The following MARCHF1 variants were observed in gnomAD, a reference collection of about 807,000 sequenced individuals.
MARCHF1 encodes the protein membrane associated ring-CH-type finger 1.
In MARCHF1, 40 loss-of-function variants were observed where a neutral mutation model predicts 54.2. The ratio of observed to expected loss-of-function variants is 0.74; its 90% CI spans 0.57 to 0.96. The LOEUF (loss-of-function observed/expected upper bound fraction) is 0.96, where lower values mean the gene tolerates loss of function less well. Ranked by LOEUF, MARCHF1 falls within the 40% of genes least tolerant of loss-of-function variation. The pLI is 0.00. For synonymous variants in MARCHF1, 236 were observed against 236.3 expected (o/e 1.00, Z 0.01); for missense variants, 586 against 656.5 (o/e 0.89, Z 1.17).
intron 1 of MARCHF1, among the ~76,000 whole-genome samples, chr4:164,315,101 T>C (rs1266856172): frequency 1.3e-5 from 2 of 152,024 alleles, no homozygotes; most frequent in African/African-American, 4.8e-5. Flanking sequence ...CCAAGCTACA[T>C]TTTATGCATG....
intron 8 of MARCHF1, among the ~76,000 whole-genome samples, chr4:163,564,201 A>C (rs1009130974): frequency 8.5e-5 from 13 of 152,188 alleles, no homozygotes; most frequent in African/African-American, 3.1e-4. Context: ...GAGTGCTAGT[A>C]ATTTTTGGAG....
chr4:163,967,955 A>C (rs1752476507), intron 3 of MARCHF1, among the ~76,000 whole-genome samples: 1 of 152,178 alleles, frequency 6.6e-6, no homozygotes, highest in Non-Finnish European at 1.5e-5. Flanking sequence ...GCTTACTCAG[A>C]ATTCACTGAT....
At chr4:163,856,776 C>T (rs58386345) in intron 3 of MARCHF1, among the ~76,000 whole-genome samples, 2,493 of 152,094 alleles carry the variant, frequency 0.016, 82 homozygotes, top group African/African-American at 0.057. Flanking sequence ...TTTGGGAGGC[C>T]GAGGTGGGAG....
intron 3 of MARCHF1, among the ~76,000 whole-genome samples, chr4:163,860,592 C>T (rs754471950): frequency 5.3e-5 from 8 of 152,068 alleles, no homozygotes; most frequent in African/African-American, 9.7e-5. Flanking sequence ...AGGCCACAGC[C>T]GAGAAATACA....
At chr4:164,372,557 C>A (rs1025833124) in intron 1 of MARCHF1, among the ~76,000 whole-genome samples, 1 of 151,318 alleles carries the variant, frequency 6.6e-6, no homozygotes, top group African/African-American at 2.4e-5. Flanking sequence ...CATATTTTAC[C>A]TCAGTTTTAC....
intron 2 of MARCHF1, among the ~76,000 whole-genome samples, chr4:164,082,850 C>A (rs2111116597): frequency 6.6e-6 from 1 of 152,270 alleles, no homozygotes; most frequent in East Asian, 1.9e-4. Flanking sequence ...CACATCTTCA[C>A]AAATCACTGC....
chr4:163,863,308 G>A lies in MARCHF1; in HGVS notation c.-38-9139C>T, dbSNP rs561410140. ...AAGCTAAGTACCTTTAGAAAGGAGT[G>A]CAGTCTGAAAGGTTAAAGGCAAAAT... is the stretch of plus-strand genomic sequence containing the variant. On this transcript the variant is annotated intron_variant, in intron 3 of 9. Transcript: ENST00000514618. Among the ~76,000 whole-genome samples the A allele has an allele frequency of 1.2e-3, 181 of 152,180 alleles. 1 individual carries two copies. The highest frequency in any genetic ancestry group is 2.1e-3 in the Non-Finnish European group (145 of 67,966).
intron 3 of MARCHF1, among the ~76,000 whole-genome samples, chr4:163,898,850 G>A (rs559464986): frequency 6.6e-5 from 10 of 152,088 alleles, no homozygotes; most frequent in Admixed American, 1.3e-4. Context: ...GAGTATTTAC[G>A]TAACCATAAA....
intron 2 of MARCHF1, among the ~76,000 whole-genome samples, chr4:163,989,285 TTGAGAGAG>T (rs1390058319): frequency 3.2e-5 from 3 of 93,724 alleles, no homozygotes; most frequent in East Asian, 3.4e-4. Context: ...GAATGAGGTG[TTGAGAGAG>T]AGAGAGAGAG....
chr4:164,100,523 T>C (rs192810921), intron 2 of MARCHF1, among the ~76,000 whole-genome samples: 108 of 152,362 alleles, frequency 7.1e-4, no homozygotes, highest in African/African-American at 2.5e-3. Flanking sequence ...AATAAGAATA[T>C]GTGTTGCCTA....
intron 5 of MARCHF1, among the ~76,000 whole-genome samples, chr4:163,667,820 T>G (rs1042356984): frequency 6.6e-6 from 1 of 152,020 alleles, no homozygotes; most frequent in African/African-American, 2.4e-5. Context: ...AGAGATGGGG[T>G]TTCACCATGT....
intron 1 of MARCHF1, among the ~76,000 whole-genome samples, chr4:164,224,549 T>C (rs1732199327): frequency 2.6e-5 from 4 of 152,026 alleles, no homozygotes. Flanking sequence ...TAGTAGTCTA[T>C]GTCCTAATAA....
intron 4 of MARCHF1, among the ~76,000 whole-genome samples, chr4:163,713,637 A>G (rs888350869): frequency 4.6e-5 from 7 of 152,232 alleles, no homozygotes; most frequent in Admixed American, 4.6e-4. Flanking sequence ...TGTTAGAAAT[A>G]GAAGTTCTGA....
intron 1 of MARCHF1, chr4:164,234,732 G>A (rs1732500410): frequency 6.6e-6 from 1 of 151,896 alleles, no homozygotes; most frequent in Non-Finnish European, 1.5e-5. Context: ...TGATTTTGAG[G>A]CATCTTAAGA....
chr4:163,937,352 G>T (rs1751819544), intron 3 of MARCHF1, among the ~76,000 whole-genome samples: 1 of 151,764 alleles, frequency 6.6e-6, no homozygotes, highest in African/African-American at 2.4e-5. Context: ...AATAACAAAA[G>T]CTACAGTAGA....
chr4:163,634,815 C>A (rs1489816327), intron 5 of MARCHF1, among the ~76,000 whole-genome samples: 1 of 142,040 alleles, frequency 7.0e-6, no homozygotes, highest in Non-Finnish European at 1.5e-5. Flanking sequence ...CACCACACCA[C>A]ACCTATTCCA....
At chr4:164,343,813 C>T (rs34161230) in intron 1 of MARCHF1, among the ~76,000 whole-genome samples, 4 of 152,058 alleles carry the variant, frequency 2.6e-5, no homozygotes, top group Non-Finnish European at 5.9e-5. Context: ...TGGAAAGCAG[C>T]GTGGTGATTT....
intron 2 of MARCHF1, among the ~76,000 whole-genome samples, chr4:164,092,939 T>C (rs1446913160): frequency 2.0e-5 from 3 of 152,124 alleles, no homozygotes; most frequent in South Asian, 2.1e-4. Flanking sequence ...ATCAATCCTA[T>C]GAATAGAAGA....
intron 1 of MARCHF1, among the ~76,000 whole-genome samples, chr4:164,214,911 G>T (rs1159622732): frequency 1.3e-5 from 2 of 152,078 alleles, no homozygotes; most frequent in African/African-American, 4.8e-5. Flanking sequence ...TGGGGCTGTG[G>T]CTCGCTTCCT....
Sources: gnomAD v4.1 joint callset for allele counts (sites outside exome capture counted in the v4.1 genomes callset) on GRCh38, gnomAD v4.1.1 for gene constraint, MANE v1.5 for transcripts, NCBI Gene and HGNC (gene_info 2026-07-23, HGNC 2026-07-21) for gene names.